The following LDLRAD4 variants were observed in gnomAD, a reference collection of about 807,000 sequenced individuals.
LDLRAD4 encodes low density lipoprotein receptor class A domain containing 4, also known as low-density lipoprotein receptor class A domain-containing protein 4.
In LDLRAD4, 5 loss-of-function variants were observed where a neutral mutation model predicts 17.0. The ratio of observed to expected loss-of-function variants is 0.29; its 90% CI spans 0.15 to 0.62. The LOEUF (loss-of-function observed/expected upper bound fraction) is 0.62. Among genes scored for constraint, LDLRAD4 ranks in the 20% least tolerant of loss-of-function variants. The pLI is 0.84. For missense variants in LDLRAD4, 340 were observed against 424.7 expected, an observed-to-expected ratio of 0.80 and a Z score of 1.75; for synonymous variants, 168 against 171.8, an observed-to-expected ratio of 0.98 and a Z score of 0.17.
At chr18:13,506,203 G>A (rs1600926251) in intron 3 of LDLRAD4, among the ~76,000 whole-genome samples, 1 of 140,898 alleles carries the variant, frequency 7.1e-6, no homozygotes, top group African/African-American at 2.6e-5. Flanking sequence ...ACCAACCTGC[G>A]AGCAGCTGTT....
chr18:13,618,980 C>T (rs1001159732), intron 3 of LDLRAD4, among the ~76,000 whole-genome samples: 5 of 152,344 alleles, frequency 3.3e-5, no homozygotes, highest in African/African-American at 9.6e-5. Flanking sequence ...GAGGCGCACT[C>T]GGGCACTCTG....
intron 1 of LDLRAD4, among the ~76,000 whole-genome samples, chr18:13,363,677 C>A (rs1378571206): frequency 1.3e-5 from 2 of 152,100 alleles, no homozygotes; most frequent in African/African-American, 4.8e-5. Flanking sequence ...GATGCTAGTT[C>A]TCATTTCCAT....
intron 1 of LDLRAD4, among the ~76,000 whole-genome samples, chr18:13,353,257 C>T (rs995996924): frequency 6.6e-6 from 1 of 152,026 alleles, no homozygotes; most frequent in East Asian, 1.9e-4. Flanking sequence ...TCTAGAGTGG[C>T]TTTGTGTTGG....
chr18:13,359,980 G>A (rs1267721834), intron 1 of LDLRAD4, among the ~76,000 whole-genome samples: 4 of 152,196 alleles, frequency 2.6e-5, no homozygotes. Flanking sequence ...GCAATCTTTG[G>A]CTTTTGAAAT....
At position 13,604,094 on chromosome 18, in the gene LDLRAD4, A is replaced by G. The variant is rs140723382; in HGVS notation, c.182-17023A>G. Among the ~76,000 whole-genome samples, 17 of 152,306 alleles carry G rather than the reference A, an allele frequency of 1.1e-4. No homozygotes were observed. In the East Asian group the frequency reaches 2.5e-3, roughly 22 times the overall value. On this transcript the variant is annotated intron_variant, in intron 3 of 5. Transcript: ENST00000359446. ...TTATATAGGTCTGATGTCAAGGTTG[A>G]CTTTGGACTAGCTTGGATTTTTGGG...
intron 3 of LDLRAD4, among the ~76,000 whole-genome samples, chr18:13,534,109 TG>T (rs2094168349): frequency 6.6e-6 from 1 of 152,172 alleles, no homozygotes; most frequent in Non-Finnish European, 1.5e-5. Flanking sequence ...CAAAAACTCC[TG>T]GTGGTTTTGT....
chr18:13,498,269 T>C (rs2093519653), intron 3 of LDLRAD4, among the ~76,000 whole-genome samples: 1 of 146,542 alleles, frequency 6.8e-6, no homozygotes, highest in Admixed American at 6.8e-5. Context: ...AGAATCCTTT[T>C]CCACACACAC....
At chr18:13,524,171 C>T (rs1298493603) in intron 3 of LDLRAD4, among the ~76,000 whole-genome samples, 2 of 152,226 alleles carry the variant, frequency 1.3e-5, no homozygotes, top group East Asian at 1.9e-4. Context: ...CAGGGAAGCC[C>T]CTTCTGAATC....
intron 3 of LDLRAD4, among the ~76,000 whole-genome samples, chr18:13,503,640 G>A (rs547571788): frequency 6.6e-6 from 1 of 152,266 alleles, no homozygotes; most frequent in Non-Finnish European, 1.5e-5. Flanking sequence ...GGCGGGATGT[G>A]CCAGAGGGGA....
At chr18:13,553,959 C>A (rs1406076312) in intron 3 of LDLRAD4, among the ~76,000 whole-genome samples, 1 of 152,158 alleles carries the variant, frequency 6.6e-6, no homozygotes, top group Non-Finnish European at 1.5e-5. Flanking sequence ...ATCCAAGGCT[C>A]TCTGAGTGTC....
chr18:13,387,408 A>G, exon 2 of LDLRAD4: 1 of 310,858 alleles, frequency 3.2e-6, no homozygotes. Context: ...GCGACCCTGC[A>G]GGATGCTGGC....
At chr18:13,302,699 G>A (rs768747174) in intron 1 of LDLRAD4, among the ~76,000 whole-genome samples, 8 of 152,172 alleles carry the variant, frequency 5.3e-5, no homozygotes, top group South Asian at 2.1e-4. Flanking sequence ...AACTACAGAG[G>A]GAAAGGAGGA....
chr18:13,365,440 T>C (rs1035281369), intron 1 of LDLRAD4, among the ~76,000 whole-genome samples: 1 of 152,244 alleles, frequency 6.6e-6, no homozygotes, highest in African/African-American at 2.4e-5. Flanking sequence ...TCAATATTTG[T>C]AGTGCGCTGT....
At chr18:13,455,608 G>A (rs2092089641) in intron 3 of LDLRAD4, among the ~76,000 whole-genome samples, 1 of 152,112 alleles carries the variant, frequency 6.6e-6, no homozygotes, top group Non-Finnish European at 1.5e-5. Context: ...AGCTGGGCCG[G>A]ATCACTTGAG....
At chr18:13,617,371 T>C (rs2040191258) in intron 3 of LDLRAD4, among the ~76,000 whole-genome samples, 1 of 152,336 alleles carries the variant, frequency 6.6e-6, no homozygotes, top group East Asian at 1.9e-4. Flanking sequence ...CCATGTGCTG[T>C]GTCAGACCAA....
intron 3 of LDLRAD4, among the ~76,000 whole-genome samples, chr18:13,485,782 G>A (rs2093208251): frequency 6.6e-6 from 1 of 152,238 alleles, no homozygotes; most frequent in Non-Finnish European, 1.5e-5. Context: ...CAGAGGCTGA[G>A]GCAAGAGGAT....
At chr18:13,612,162 G>C (rs2039632976) in intron 3 of LDLRAD4, 1 of 986,666 alleles carries the variant, frequency 1.0e-6, no homozygotes, top group Non-Finnish European at 1.2e-6. Flanking sequence ...CTTTCTGTCT[G>C]GACTGGTTTG....
chr18:13,401,319 T>C (rs577015266), intron 2 of LDLRAD4, among the ~76,000 whole-genome samples: 17 of 151,910 alleles, frequency 1.1e-4, no homozygotes, highest in Middle Eastern at 3.4e-3. Context: ...GCTAGGAATG[T>C]TTGCTATATA....
chr18:13,518,272 C>T (rs2093900399), intron 3 of LDLRAD4, among the ~76,000 whole-genome samples: 1 of 152,194 alleles, frequency 6.6e-6, no homozygotes, highest in South Asian at 2.1e-4. Flanking sequence ...CTTTTACATC[C>T]TGGGTAACTT....
Sources: allele counts gnomAD v4.1 joint callset (sites outside exome capture counted in the v4.1 genomes callset), GRCh38; gene constraint gnomAD v4.1.1; transcripts MANE v1.5; gene names NCBI Gene and HGNC (gene_info 2026-07-23, HGNC 2026-07-21).